Variants in EPHA6 observed in about 807,000 individuals in gnomAD.
EPHA6 encodes the protein ephrin type-A receptor 6.
A neutral mutation model predicts 112.0 loss-of-function variants in EPHA6; 50 were observed. That is an observed-to-expected ratio of 0.45 (90% CI 0.36 to 0.56). The LOEUF is 0.56. Ranked by LOEUF, EPHA6 falls within the 20% of genes least tolerant of loss-of-function variation. The probability of loss-of-function intolerance (pLI) is 0.00; values close to 1 mark genes in which losing one functional copy is unlikely to be tolerated. For missense variants in EPHA6, 1,280 were observed against 1,417.4 expected (o/e 0.90, Z 1.56); for synonymous variants, 529 against 490.7 (o/e 1.08, Z -1.03).
At chr3:97,291,488 A>G (rs1178282760) in intron 5 of EPHA6, among the ~76,000 whole-genome samples, 3 of 152,080 alleles carry the variant, frequency 2.0e-5, no homozygotes, top group Non-Finnish European at 4.4e-5. Flanking sequence ...CCAACTTGAT[A>G]TTTGTTTATT....
At chr3:97,160,900 T>A (rs911102211) in intron 3 of EPHA6, among the ~76,000 whole-genome samples, 1 of 152,078 alleles carries the variant, frequency 6.6e-6, no homozygotes, top group Admixed American at 6.6e-5. Context: ...GGACCATCTA[T>A]AAATCAGGTA....
chr3:97,091,168 A>G (rs771987471), intron 3 of EPHA6, among the ~76,000 whole-genome samples: 3 of 152,060 alleles, frequency 2.0e-5, no homozygotes, highest in Non-Finnish European at 4.4e-5. Flanking sequence ...ATCCTGATCA[A>G]TTTTCAGACA....
At chr3:97,320,328 ATGTT>A (rs1176615987) in intron 5 of EPHA6, among the ~76,000 whole-genome samples, 1 of 151,570 alleles carries the variant, frequency 6.6e-6, no homozygotes, top group Non-Finnish European at 1.5e-5. Flanking sequence ...AAAAATTTAT[ATGTT>A]TATTTTTTTT....
intron 14 of EPHA6, among the ~76,000 whole-genome samples, chr3:97,678,050 T>C (rs1265279209): frequency 6.6e-6 from 1 of 152,136 alleles, no homozygotes; most frequent in Non-Finnish European, 1.5e-5. Context: ...CTGTATTCAG[T>C]TCCTGAAGGG....
intron 5 of EPHA6, among the ~76,000 whole-genome samples, chr3:97,299,464 G>A (rs1559861746): frequency 6.6e-6 from 1 of 152,080 alleles, no homozygotes. Flanking sequence ...GGGAGAGTTT[G>A]CTTTCTTTTA....
At chr3:97,323,927 T>A (rs2082241611) in intron 5 of EPHA6, among the ~76,000 whole-genome samples, 1 of 151,950 alleles carries the variant, frequency 6.6e-6, no homozygotes, top group Non-Finnish European at 1.5e-5. Flanking sequence ...GATGGAAATG[T>A]AAGTCTGAAT....
chr3:97,146,278 C>A lies in EPHA6; in HGVS notation c.1115-79986C>A, dbSNP rs2076041808. Among the ~76,000 whole-genome samples the A allele has an allele frequency of 4.0e-5, 6 of 151,780 alleles. 1 individual carries two copies. The South Asian group carries it at 1.2e-3, about 32-fold the overall frequency. ...TGACATTCTTTCTTAGTGTAGTTTT[C>A]TCTGTAGTTTACCTGCACTCATTAA... On this transcript the variant is annotated intron_variant, in intron 3 of 17. Transcript: ENST00000389672.
chr3:97,258,017 AT>A (rs1402103609), intron 5 of EPHA6, among the ~76,000 whole-genome samples: 1 of 151,948 alleles, frequency 6.6e-6, no homozygotes, highest in Non-Finnish European at 1.5e-5. Context: ...CTGTAAAATT[AT>A]TTGCAAAGTC....
intron 3 of EPHA6, among the ~76,000 whole-genome samples, chr3:97,209,917 T>TA (rs1282026660): frequency 6.6e-6 from 1 of 152,196 alleles, no homozygotes; most frequent in East Asian, 1.9e-4. Flanking sequence ...ACGAATGTCT[T>TA]ACTTATTTTT....
intron 4 of EPHA6, among the ~76,000 whole-genome samples, chr3:97,230,717 G>A (rs1414140525): frequency 6.6e-6 from 1 of 152,168 alleles, no homozygotes; most frequent in Non-Finnish European, 1.5e-5. Context: ...CCTAGGGAAT[G>A]AGTAAATCTC....
intron 2 of EPHA6, among the ~76,000 whole-genome samples, chr3:96,884,529 G>A (rs1294324988): frequency 6.6e-6 from 1 of 152,042 alleles, no homozygotes; most frequent in Non-Finnish European, 1.5e-5. Context: ...CTGTTTAGTC[G>A]CTGTTGGTAT....
At chr3:96,968,487 CT>C (rs1310490249) in intron 2 of EPHA6, among the ~76,000 whole-genome samples, 1 of 151,536 alleles carries the variant, frequency 6.6e-6, no homozygotes, top group Non-Finnish European at 1.5e-5. Flanking sequence ...TCATTTCTGT[CT>C]CTTAAGAATA....
In EPHA6 at chr3:97,120,877, T is replaced by C. The variant is rs115942937; in HGVS notation, c.1115-105387T>C. Among the ~76,000 whole-genome samples the C allele has an allele frequency of 4.9e-3, 751 of 152,044 alleles. 6 individuals are homozygous for C. Among genetic ancestry groups the C allele is most frequent in the African/African-American group, 0.016 (664 of 41,538 alleles). On this transcript the variant is annotated intron_variant, in intron 3 of 17. Coordinates refer to ENST00000389672, the MANE Select transcript of EPHA6 (RefSeq NM_001080448.3). ...TTATAGTGTAAATAAAATAATGTTA[T>C]AGTGTAAGTAAAAATAAACACTGGC... is the stretch of plus-strand genomic sequence containing the variant.
intron 10 of EPHA6, among the ~76,000 whole-genome samples, chr3:97,529,616 C>T (rs773387394): frequency 7.2e-5 from 11 of 151,900 alleles, no homozygotes; most frequent in Non-Finnish European, 1.6e-4. Context: ...AAATCTGAAA[C>T]TATGCATTTA....
At chr3:97,172,202 A>T (rs929919247) in intron 3 of EPHA6, among the ~76,000 whole-genome samples, 5 of 152,086 alleles carry the variant, frequency 3.3e-5, no homozygotes, top group African/African-American at 4.8e-5. Flanking sequence ...TGGGATTAGG[A>T]TCAAGAGATG....
At chr3:97,466,225 T>C (rs774852150) in intron 7 of EPHA6, 1 of 854,750 alleles carries the variant, frequency 1.2e-6, no homozygotes, top group Admixed American at 1.7e-5. Flanking sequence ...CAAACAGACT[T>C]GGGAGGCTGT....
At chr3:97,549,784 C>T (rs1440953374) in intron 11 of EPHA6, among the ~76,000 whole-genome samples, 1 of 151,806 alleles carries the variant, frequency 6.6e-6, no homozygotes, top group Non-Finnish European at 1.5e-5. Context: ...GCACTCCAGC[C>T]TGGGCGACAA....
At chr3:97,069,405 G>A (rs2108153047) in intron 3 of EPHA6, among the ~76,000 whole-genome samples, 1 of 152,246 alleles carries the variant, frequency 6.6e-6, no homozygotes, top group Admixed American at 6.5e-5. Flanking sequence ...AGAGTTGGAA[G>A]GGTATCTGCA....
chr3:96,869,705 A>C, intron 2 of EPHA6, among the ~76,000 whole-genome samples: 1 of 152,096 alleles, frequency 6.6e-6, no homozygotes, highest in Non-Finnish European at 1.5e-5. Flanking sequence ...ATAGTGGATG[A>C]GATCTTTGTT....
Sources: gnomAD v4.1 joint callset for allele counts (sites outside exome capture counted in the v4.1 genomes callset) on GRCh38, gnomAD v4.1.1 for gene constraint, MANE v1.5 for transcripts, NCBI Gene and HGNC (gene_info 2026-07-23, HGNC 2026-07-21) for gene names.